LIPI: variants seen among roughly 807,000 people sequenced by gnomAD.
LIPI encodes lipase I.
Under a neutral mutation model 50.6 loss-of-function variants are expected in LIPI, and 59 were observed. The observed-to-expected ratio is 1.16, with a 90% confidence interval of 0.94 to 1.45. The LOEUF is 1.45. Among genes scored for constraint, LIPI ranks in the 40% most tolerant of loss-of-function variants. LIPI has a pLI of 0.00. For missense variants in LIPI, 586 were observed against 536.3 expected, an observed-to-expected ratio of 1.09 and a Z score of -0.92; for synonymous variants, 203 against 178.2, an observed-to-expected ratio of 1.14 and a Z score of -1.11.
chr21:14,122,940 A>G (rs958015984), intron 9 of LIPI, among the ~76,000 whole-genome samples: 2 of 152,218 alleles, frequency 1.3e-5, no homozygotes, highest in Non-Finnish European at 2.9e-5. Flanking sequence ...CAAGGATCCA[A>G]AAGTTCAGAT....
At position 14,186,036 on chromosome 21, in the gene LIPI, T is replaced by C. The variant is rs372133726; in HGVS notation, c.466A>G (p.Ile156Val). The change falls in exon 3 of 10, where the codon ATA (isoleucine) becomes GTA (valine). Residue 156 changes from isoleucine (I) to valine (V), a missense_variant. Coordinates refer to ENST00000681601, the MANE Select transcript of LIPI (RefSeq NM_001302998.2). ...ATATGAGCCCCTAAGCTCACACCTATGAAATGAAAATTGTCAAGAGATGCA... is the reference window on the plus strand; with the variant it reads ...ATATGAGCCCCTAAGCTCACACCTACGAAATGAAAATTGTCAAGAGATGCA... ...HGASLDNFHF[I>V]GVSLGAHISG... 158 of 1,604,318 alleles carry C rather than the reference T, an allele frequency of 9.8e-5. No individual in the cohort carries two copies. The highest frequency in any genetic ancestry group is 1.2e-4 in the Non-Finnish European group (142 of 1,171,426).
chr21:14,125,608 A>T (rs1200988769), intron 9 of LIPI, among the ~76,000 whole-genome samples: 3 of 152,190 alleles, frequency 2.0e-5, no homozygotes, highest in Non-Finnish European at 4.4e-5. Flanking sequence ...CCCAGCCTGG[A>T]GAGCAGTGGC....
chr21:14,202,753 C>T, intron 1 of LIPI, among the ~76,000 whole-genome samples: 1 of 152,078 alleles, frequency 6.6e-6, no homozygotes, highest in Non-Finnish European at 1.5e-5. Context: ...TAGGCCATAC[C>T]ATTCAGGACA....
intron 8 of LIPI, among the ~76,000 whole-genome samples, chr21:14,146,032 G>A (rs1261699002): frequency 6.6e-6 from 1 of 152,038 alleles, no homozygotes; most frequent in African/African-American, 2.4e-5. Flanking sequence ...ATTTTTCAGT[G>A]ATAATTCAAA....
At chr21:14,183,818 A>C (rs1250595568) in intron 3 of LIPI, among the ~76,000 whole-genome samples, 1 of 152,214 alleles carries the variant, frequency 6.6e-6, no homozygotes, top group African/African-American at 2.4e-5. Flanking sequence ...TTAAAAAGTC[A>C]GGAAACAATA....
intron 8 of LIPI, among the ~76,000 whole-genome samples, chr21:14,149,303 C>G (rs1181442831): frequency 1.3e-5 from 2 of 152,112 alleles, no homozygotes; most frequent in Non-Finnish European, 2.9e-5. Flanking sequence ...TACTCTCTAT[C>G]AAGAGAATAA....
intron 1 of LIPI, among the ~76,000 whole-genome samples, chr21:14,205,518 G>A (rs960478165): frequency 3.3e-5 from 5 of 151,580 alleles, no homozygotes; most frequent in Non-Finnish European, 5.9e-5. Context: ...ATAATACACT[G>A]TAAACACATG....
chr21:14,182,013 T>A (rs1036150286), intron 3 of LIPI, among the ~76,000 whole-genome samples, 154 bp from the exon 4 acceptor site: 1 of 152,184 alleles, frequency 6.6e-6, no homozygotes, highest in Non-Finnish European at 1.5e-5. Flanking sequence ...TGGAAGTGAA[T>A]GAATAGCAGG....
intron 1 of LIPI, among the ~76,000 whole-genome samples, chr21:14,195,435 G>A (rs73346096): frequency 0.036 from 5,546 of 152,096 alleles, 330 homozygotes; most frequent in African/African-American, 0.13. Flanking sequence ...TAGTTTAAAT[G>A]GCACTAAACC....
At chr21:14,120,586 A>G (rs2016825521) in intron 9 of LIPI, among the ~76,000 whole-genome samples, 1 of 152,226 alleles carries the variant, frequency 6.6e-6, no homozygotes, top group Non-Finnish European at 1.5e-5. Flanking sequence ...AAAGCAGACA[A>G]AGAAGTGAAA....
chr21:14,121,561 A>G (rs2016862568), intron 9 of LIPI, among the ~76,000 whole-genome samples: 1 of 152,194 alleles, frequency 6.6e-6, no homozygotes, highest in Admixed American at 6.5e-5. Flanking sequence ...TGGGTAAGAG[A>G]AACAATACCT....
At chr21:14,122,198 T>C (rs1402904187) in intron 9 of LIPI, among the ~76,000 whole-genome samples, 1 of 152,068 alleles carries the variant, frequency 6.6e-6, no homozygotes, top group Non-Finnish European at 1.5e-5. Flanking sequence ...AGAAGCTTGG[T>C]TTGGTAAAGG....
At chr21:14,156,144 T>A (rs1366144887) in intron 7 of LIPI, among the ~76,000 whole-genome samples, 4 of 151,980 alleles carry the variant, frequency 2.6e-5, no homozygotes, top group Admixed American at 6.6e-5. Flanking sequence ...CCCAAATATA[T>A]CCTTGTCCTA....
chr21:14,181,731 A>T, intron 4 of LIPI, 27 bp downstream of exon 4: 1 of 1,373,134 alleles, frequency 7.3e-7, no homozygotes, highest in African/African-American at 1.4e-5. Context: ...TTTTCAAATA[A>T]TTAGGTAATA....
intron 1 of LIPI, among the ~76,000 whole-genome samples, chr21:14,196,172 A>AAAAAACAAT (rs139955022): frequency 7.2e-6 from 1 of 138,316 alleles, no homozygotes; most frequent in Non-Finnish European, 1.6e-5. Flanking sequence ...AAAAAACAAA[A>AAAAAACAAT]CAAGAAGTAT....
chr21:14,201,631 A>C (rs1397388615), intron 1 of LIPI, among the ~76,000 whole-genome samples: 1 of 152,164 alleles, frequency 6.6e-6, no homozygotes, highest in African/African-American at 2.4e-5. Flanking sequence ...GACAAAATTC[A>C]ACAACCCTTC....
At chr21:14,147,436 C>A (rs2123073578) in intron 8 of LIPI, among the ~76,000 whole-genome samples, 1 of 152,172 alleles carries the variant, frequency 6.6e-6, no homozygotes, top group Admixed American at 6.5e-5. Flanking sequence ...CACAGTATCC[C>A]CAGCACTTAA....
At chr21:14,127,576 A>G (rs2122977312) in intron 9 of LIPI, among the ~76,000 whole-genome samples, 1 of 152,294 alleles carries the variant, frequency 6.6e-6, no homozygotes, top group African/African-American at 2.4e-5. Context: ...TATCCTAATG[A>G]CTTCACCCTA....
At chr21:14,137,575 C>T (rs2017548706) in intron 9 of LIPI, among the ~76,000 whole-genome samples, 1 of 151,914 alleles carries the variant, frequency 6.6e-6, no homozygotes, top group African/African-American at 2.4e-5. Flanking sequence ...AGGTAGCATG[C>T]TTACAGGATC....
Sources: gnomAD v4.1 joint callset for allele counts (sites outside exome capture counted in the v4.1 genomes callset) on GRCh38, gnomAD v4.1.1 for gene constraint, MANE v1.5 for transcripts, NCBI Gene and HGNC (gene_info 2026-07-23, HGNC 2026-07-21) for gene names.